SEMA3E: variants seen among roughly 807,000 people sequenced by gnomAD.
SEMA3E encodes semaphorin 3E.
A neutral mutation model predicts 93.6 loss-of-function variants in SEMA3E; 49 were observed. The ratio of observed to expected loss-of-function variants is 0.52; its 90% CI spans 0.42 to 0.66. The LOEUF is 0.66. SEMA3E is among the 30% of genes least tolerant of loss of function. SEMA3E has a pLI of 0.00. For missense variants in SEMA3E, 906 were observed against 964.8 expected (o/e 0.94, Z 0.81); for synonymous variants, 363 against 330.7 (o/e 1.10, Z -1.06).
chr7:83,547,702 T>G (rs1273145900), intron 1 of SEMA3E, among the ~76,000 whole-genome samples: 1 of 152,106 alleles, frequency 6.6e-6, no homozygotes, highest in Non-Finnish European at 1.5e-5. Flanking sequence ...AACCTCTTGG[T>G]TGCTGCTAGA....
At chr7:83,438,899 C>A (rs1789055910) in intron 4 of SEMA3E, among the ~76,000 whole-genome samples, 1 of 152,124 alleles carries the variant, frequency 6.6e-6, no homozygotes, top group African/African-American at 2.4e-5. Flanking sequence ...AAAGAACCAT[C>A]TTGACTCCAA....
intron 10 of SEMA3E, among the ~76,000 whole-genome samples, 196 bp downstream of exon 10, chr7:83,402,436 T>C (rs1339242942): frequency 6.6e-6 from 1 of 152,038 alleles, no homozygotes; most frequent in Non-Finnish European, 1.5e-5. Flanking sequence ...ATATATTATA[T>C]TCTTTTTATT....
intron 1 of SEMA3E, among the ~76,000 whole-genome samples, chr7:83,530,126 C>T (rs1014400261): frequency 3.3e-5 from 5 of 152,074 alleles, no homozygotes; most frequent in African/African-American, 7.2e-5. Context: ...ATTCAGTGGG[C>T]ACAGATCTAG....
intron 1 of SEMA3E, among the ~76,000 whole-genome samples, chr7:83,539,724 A>G (rs1279017958): frequency 6.6e-6 from 1 of 151,974 alleles, no homozygotes; most frequent in African/African-American, 2.4e-5. Context: ...GTTATCCTTC[A>G]TTGGGATTAT....
At chr7:83,485,568 C>T (rs1196293145) in intron 2 of SEMA3E, among the ~76,000 whole-genome samples, 7 of 151,944 alleles carry the variant, frequency 4.6e-5, no homozygotes, top group South Asian at 2.1e-4. Context: ...AAGGCAATCC[C>T]GGAAGAATGC....
chr7:83,408,458 C>T lies in SEMA3E; in HGVS notation c.580G>A (p.Asp194Asn). 1 of 1,613,720 alleles carries T rather than the reference C, an allele frequency of 6.2e-7. No homozygotes were observed. The highest frequency in any genetic ancestry group is 1.1e-5 in the South Asian group (1 of 91,076). Residue 194 changes from aspartate (D) to asparagine (N), a missense_variant, in exon 6 of 17, where the codon GAC (aspartate) becomes AAC (asparagine). Coordinates refer to ENST00000643230, the MANE Select transcript of SEMA3E (RefSeq NM_012431.3). ...ATCGCAGCGTCTCTGCTCCAGTAGT[C>T]ACTGTAGAGTCCAGCAAACAATTCA... The part of the protein sequence containing the change: ...GSELFAGLYS[D>N]YWSRDAAIFR...
intron 1 of SEMA3E, among the ~76,000 whole-genome samples, chr7:83,601,452 T>G (rs1486897053): frequency 6.6e-6 from 1 of 152,088 alleles, no homozygotes; most frequent in African/African-American, 2.4e-5. Context: ...TTATCATTCT[T>G]ACACTGGAGA....
intron 1 of SEMA3E, among the ~76,000 whole-genome samples, chr7:83,593,336 TG>T (rs1792800064): frequency 2.3e-5 from 2 of 86,030 alleles, no homozygotes; most frequent in Admixed American, 1.3e-4. Flanking sequence ...GTGTGTGTGT[TG>T]GGGAGGGGGA....
chr7:83,619,799 C>T (rs1304609783), intron 1 of SEMA3E, among the ~76,000 whole-genome samples: 1 of 151,396 alleles, frequency 6.6e-6, no homozygotes, highest in African/African-American at 2.4e-5. Flanking sequence ...ATGAGTGCTA[C>T]TGTTGGAAAA....
chr7:83,586,841 C>T (rs897663781), intron 1 of SEMA3E, among the ~76,000 whole-genome samples: 3 of 151,858 alleles, frequency 2.0e-5, no homozygotes, highest in Non-Finnish European at 4.4e-5. Context: ...CCTTGAACTC[C>T]GAAATTGCTA....
At chr7:83,470,654 T>C (rs1347253195) in intron 2 of SEMA3E, among the ~76,000 whole-genome samples, 1 of 152,154 alleles carries the variant, frequency 6.6e-6, no homozygotes, top group Non-Finnish European at 1.5e-5. Context: ...AGGTGCCTTC[T>C]TTGTATGTAT....
At chr7:83,585,383 T>C (rs981651081) in intron 1 of SEMA3E, among the ~76,000 whole-genome samples, 1 of 152,216 alleles carries the variant, frequency 6.6e-6, no homozygotes, top group African/African-American at 2.4e-5. Flanking sequence ...AGCATTTTCT[T>C]GTTTTGTTTT....
chr7:83,611,292 T>A (rs1007005717), intron 1 of SEMA3E, among the ~76,000 whole-genome samples: 7 of 143,600 alleles, frequency 4.9e-5, no homozygotes, highest in African/African-American at 2.6e-5. Flanking sequence ...TATATTAAAT[T>A]TATATATTAT....
intron 1 of SEMA3E, among the ~76,000 whole-genome samples, chr7:83,531,258 G>C (rs1791288858): frequency 7.2e-6 from 1 of 139,202 alleles, no homozygotes; most frequent in South Asian, 2.6e-4. Flanking sequence ...ATCAAACAAG[G>C]AGTAAACAAG....
rs143525595 is a variant in SEMA3E at position 83,580,501 on chromosome 7, T to C, written c.115+67927A>G. Among the ~76,000 whole-genome samples the C allele has an allele frequency of 5.3e-5, 8 of 152,124 alleles. No homozygotes were observed. In the East Asian group the frequency reaches 1.5e-3, roughly 29 times the overall value. On this transcript the variant is annotated intron_variant, in intron 1 of 16. Coordinates refer to ENST00000643230, the MANE Select transcript of SEMA3E (RefSeq NM_012431.3). ...TCCCTACCTCTTTACTTTCACTGCC[T>C]ATTCCTAAATTCAGAATTCAGACTA...
chr7:83,473,221 T>A (rs1789940491), intron 2 of SEMA3E, among the ~76,000 whole-genome samples: 1 of 152,172 alleles, frequency 6.6e-6, no homozygotes, highest in African/African-American at 2.4e-5. Flanking sequence ...TCATTAACAT[T>A]TTTACAAACA....
intron 1 of SEMA3E, among the ~76,000 whole-genome samples, chr7:83,514,534 T>C (rs1024810468): frequency 2.0e-5 from 3 of 152,102 alleles, no homozygotes; most frequent in Admixed American, 6.6e-5. Flanking sequence ...GTTGTTGTTG[T>C]TGGTTTTTAA....
intron 1 of SEMA3E, among the ~76,000 whole-genome samples, chr7:83,493,671 G>A (rs1027803719): frequency 2.6e-5 from 4 of 151,884 alleles, no homozygotes; most frequent in Admixed American, 1.3e-4. Context: ...ACAAAACAGT[G>A]ACAACAATTG....
At chr7:83,409,144 A>G (rs2115657623) in intron 5 of SEMA3E, among the ~76,000 whole-genome samples, 1 of 152,334 alleles carries the variant, frequency 6.6e-6, no homozygotes, top group African/African-American at 2.4e-5. Flanking sequence ...ATGTGGTGGC[A>G]GTCACAGTCT....
Sources: gnomAD v4.1 joint callset for allele counts (sites outside exome capture counted in the v4.1 genomes callset) on GRCh38, gnomAD v4.1.1 for gene constraint, MANE v1.5 for transcripts, NCBI Gene and HGNC (gene_info 2026-07-23, HGNC 2026-07-21) for gene names.